RNF150: variants seen among roughly 807,000 people sequenced by gnomAD.
RNF150 encodes ring finger protein 150.
RNF150 carries 24 observed loss-of-function variants against 39.3 expected under a neutral mutation model. That is an observed-to-expected ratio of 0.61 (90% CI 0.44 to 0.86). The LOEUF (loss-of-function observed/expected upper bound fraction) is 0.86, where lower values mean the gene tolerates loss of function less well. Among genes scored for constraint, RNF150 ranks in the 40% least tolerant of loss-of-function variants. RNF150 has a pLI of 0.00. For missense variants in RNF150, 502 were observed against 587.8 expected, an observed-to-expected ratio of 0.85 and a Z score of 1.51; for synonymous variants, 255 against 227.3, an observed-to-expected ratio of 1.12 and a Z score of -1.10.
intron 1 of RNF150, among the ~76,000 whole-genome samples, chr4:141,079,680 G>A (rs1738075639): frequency 6.6e-6 from 1 of 152,230 alleles, no homozygotes; most frequent in South Asian, 2.1e-4. Flanking sequence ...AGACAGACCT[G>A]ACTTTAAATC....
At chr4:140,876,368 G>A (rs1729155910) in intron 6 of RNF150, among the ~76,000 whole-genome samples, 1 of 152,198 alleles carries the variant, frequency 6.6e-6, no homozygotes, top group African/African-American at 2.4e-5. Flanking sequence ...AAGTTAATTA[G>A]ACTTTAAATG....
intron 1 of RNF150, among the ~76,000 whole-genome samples, chr4:141,006,299 C>T (rs1734872758): frequency 6.7e-6 from 1 of 149,206 alleles, no homozygotes; most frequent in African/African-American, 2.5e-5. Context: ...TATATATACA[C>T]ACACACACAC....
intron 1 of RNF150, among the ~76,000 whole-genome samples, chr4:141,006,777 T>G (rs1419527601): frequency 6.6e-6 from 1 of 152,228 alleles, no homozygotes; most frequent in Non-Finnish European, 1.5e-5. Context: ...TCTCTTTTTA[T>G]CTACTTGCAG....
At chr4:140,874,956 T>C (rs1035717094) in intron 6 of RNF150, among the ~76,000 whole-genome samples, 11 of 152,220 alleles carry the variant, frequency 7.2e-5, no homozygotes, top group African/African-American at 2.7e-4. Flanking sequence ...TAAGCCACCA[T>C]GCCCAGCCTA....
intron 5 of RNF150, among the ~76,000 whole-genome samples, chr4:140,919,489 G>T (rs1237273644): frequency 0.065 from 7,269 of 112,644 alleles, no homozygotes; most frequent in East Asian, 0.11. Context: ...GGGACGTGAA[G>T]GACCTCTTCA....
chr4:140,985,610 T>C (rs576390458), intron 1 of RNF150, among the ~76,000 whole-genome samples: 2 of 152,210 alleles, frequency 1.3e-5, no homozygotes, highest in African/African-American at 4.8e-5. Context: ...CAAGTATTAC[T>C]AATGAAAATT....
chr4:141,186,870 C>G (rs1349060135), intron 1 of RNF150, among the ~76,000 whole-genome samples: 1 of 152,014 alleles, frequency 6.6e-6, no homozygotes, highest in Non-Finnish European at 1.5e-5. Flanking sequence ...CTGTTCTGAT[C>G]TTAGTTATTT....
chr4:141,089,058 T>G (rs762777897), intron 1 of RNF150, among the ~76,000 whole-genome samples: 2 of 152,168 alleles, frequency 1.3e-5, no homozygotes, highest in African/African-American at 4.8e-5. Context: ...GAAGGCAATG[T>G]CCAGTGAGGT....
intron 6 of RNF150, among the ~76,000 whole-genome samples, chr4:140,910,008 A>C (rs1468023323): frequency 1.3e-5 from 2 of 152,188 alleles, no homozygotes; most frequent in African/African-American, 4.8e-5. Context: ...AATAAACCAA[A>C]AGGTTAAGAG....
In RNF150 at chr4:140,867,885, C is replaced by T. The variant is rs956063939; in HGVS notation, c.*376G>A. The T allele has an allele frequency of 5.8e-6, 1 of 171,420 alleles. No individual in the cohort carries two copies. The highest frequency in any genetic ancestry group is 2.4e-5 in the African/African-American group (1 of 42,204). 10.6% of individuals were successfully genotyped at this position (171,420 alleles called of 1,614,324 possible). On this transcript the variant is annotated 3_prime_UTR_variant, in exon 7 of 7. Coordinates refer to ENST00000515673, the MANE Select transcript of RNF150 (RefSeq NM_020724.2). ...CTACAAATAATCTTTAAAAAAATTG[C>T]CAAAGAAATCAAACAACATGCCAAA...
intron 4 of RNF150, among the ~76,000 whole-genome samples, chr4:140,937,953 A>T (rs955505254): frequency 4.6e-5 from 7 of 152,184 alleles, no homozygotes; most frequent in Non-Finnish European, 7.3e-5. Flanking sequence ...ACTTGGAAAA[A>T]ATCTGTTCCT....
intron 1 of RNF150, among the ~76,000 whole-genome samples, chr4:141,042,222 C>T (rs1207060288): frequency 6.6e-6 from 1 of 152,020 alleles, no homozygotes; most frequent in Non-Finnish European, 1.5e-5. Flanking sequence ...TTAAAAGACA[C>T]ATTTTACATT....
intron 1 of RNF150, among the ~76,000 whole-genome samples, chr4:141,105,895 G>C (rs925987843): frequency 5.9e-5 from 9 of 152,042 alleles, no homozygotes; most frequent in African/African-American, 1.9e-4. Context: ...CTTAAATATA[G>C]CTCTGACAAT....
chr4:140,973,907 A>T (rs991527308), intron 1 of RNF150, among the ~76,000 whole-genome samples: 1 of 151,556 alleles, frequency 6.6e-6, no homozygotes, highest in Non-Finnish European at 1.5e-5. Flanking sequence ...AGAAGAGGTA[A>T]AAACAGTACA....
chr4:140,946,033 T>A (rs1303038222), intron 4 of RNF150, among the ~76,000 whole-genome samples: 3 of 152,206 alleles, frequency 2.0e-5, no homozygotes, highest in African/African-American at 7.2e-5. Context: ...ACACTAAGTG[T>A]ATGTAATAAC....
intron 6 of RNF150, among the ~76,000 whole-genome samples, chr4:140,899,487 A>G (rs1226368992): frequency 2.6e-5 from 4 of 152,152 alleles, no homozygotes; most frequent in Non-Finnish European, 4.4e-5. Context: ...CTAATTCTAC[A>G]TCTAACTCTA....
chr4:140,973,534 T>C (rs1733543102), intron 1 of RNF150, among the ~76,000 whole-genome samples: 1 of 140,530 alleles, frequency 7.1e-6, no homozygotes. Flanking sequence ...TATACCCCTC[T>C]CATTTGAAAA....
At chr4:140,907,234 T>C (rs1730415731) in intron 6 of RNF150, among the ~76,000 whole-genome samples, 1 of 152,190 alleles carries the variant, frequency 6.6e-6, no homozygotes, top group Non-Finnish European at 1.5e-5. Flanking sequence ...CGTGTGGGCA[T>C]TCATACAAAT....
intron 1 of RNF150, among the ~76,000 whole-genome samples, chr4:140,989,865 C>T (rs941860691): frequency 2.6e-5 from 4 of 152,074 alleles, no homozygotes; most frequent in Non-Finnish European, 4.4e-5. Flanking sequence ...CAGCTAATCA[C>T]AGCAGTTACT....
Sources: gnomAD v4.1 joint callset for allele counts (sites outside exome capture counted in the v4.1 genomes callset) on GRCh38, gnomAD v4.1.1 for gene constraint, MANE v1.5 for transcripts, NCBI Gene and HGNC (gene_info 2026-07-23, HGNC 2026-07-21) for gene names.